KIF14: variants seen among roughly 807,000 people sequenced by gnomAD.
The protein encoded by KIF14 is kinesin family member 14, also known as kinesin-like protein KIF14.
In KIF14, 98 loss-of-function variants were observed where a neutral mutation model predicts 176.2. The ratio of observed to expected loss-of-function variants is 0.56; its 90% CI spans 0.47 to 0.66. The LOEUF (loss-of-function observed/expected upper bound fraction) is 0.66. KIF14 is among the 30% of genes least tolerant of loss of function. KIF14 has a pLI of 0.00. For missense variants in KIF14, 1,751 were observed against 1,920.4 expected, an observed-to-expected ratio of 0.91 and a Z score of 1.65; for synonymous variants, 566 against 632.2, an observed-to-expected ratio of 0.90 and a Z score of 1.57.
chr1:200,573,769 T>C (rs1657956411), intron 22 of KIF14, among the ~76,000 whole-genome samples: 1 of 152,192 alleles, frequency 6.6e-6, no homozygotes, highest in Non-Finnish European at 1.5e-5. Context: ...AGGAAAATCA[T>C]AAATGAGTTT....
intron 14 of KIF14, among the ~76,000 whole-genome samples, chr1:200,595,403 C>T (rs1204268169): frequency 6.6e-6 from 1 of 152,070 alleles, no homozygotes; most frequent in Non-Finnish European, 1.5e-5. Context: ...TGAAGACAGA[C>T]ATGAAATCAG....
At chr1:200,605,782 A>C in intron 7 of KIF14, 82 bp downstream of exon 7, 1 of 842,068 alleles carries the variant, frequency 1.2e-6, no homozygotes, top group South Asian at 1.9e-5. Context: ...TTTGTAAAAC[A>C]GCAATTAAGA....
chr1:200,582,861 G>GAA (rs555870188), intron 19 of KIF14, among the ~76,000 whole-genome samples: 20 of 126,142 alleles, frequency 1.6e-4, no homozygotes, highest in African/African-American at 5.3e-4. Context: ...CTCTGTCTCA[G>GAA]AAAAAAAAAA....
At chr1:200,563,617 C>T (rs1373105658) in intron 25 of KIF14, among the ~76,000 whole-genome samples, 1 of 152,102 alleles carries the variant, frequency 6.6e-6, no homozygotes, top group East Asian at 1.9e-4. Context: ...AGGCTGGTCT[C>T]AAAGTCCCAG....
In KIF14 at chr1:200,593,649, T is replaced by C; in HGVS notation, c.2652+18A>G. 1.4e-6 allele frequency: 2 copies of C among 1,409,508 alleles called. No homozygotes were observed. The highest frequency in any genetic ancestry group is 1.4e-5 in the African/African-American group (1 of 70,770). 87.3% of individuals were successfully genotyped at this position (1,409,508 alleles called of 1,614,324 possible). On this transcript the variant is annotated intron_variant, in intron 15 of 29. Transcript: ENST00000367350. ...CAAAGTCGAACAGTTTCTTATATTA[T>C]AGCACCCATCCACTTACATGACGTA...
intron 22 of KIF14, among the ~76,000 whole-genome samples, chr1:200,571,320 G>GAAAAAA (rs57110701): frequency 7.5e-6 from 1 of 133,522 alleles, no homozygotes. Context: ...ATCTCAAAAA[G>GAAAAAA]AAAAAAAAAA....
intron 14 of KIF14, among the ~76,000 whole-genome samples, chr1:200,594,368 C>CAAAAAAAAAAAAAAAA (rs371729211): frequency 2.2e-5 from 2 of 92,512 alleles, no homozygotes; most frequent in African/African-American, 4.5e-5. Context: ...CCCAAAAATT[C>CAAAAAAAAAAAAAAAA]AAAAAAAAAA....
At chr1:200,607,747 G>T (rs1445845505) in intron 5 of KIF14, among the ~76,000 whole-genome samples, 4 of 152,130 alleles carry the variant, frequency 2.6e-5, no homozygotes, top group Non-Finnish European at 5.9e-5. Flanking sequence ...CTGTCGCCAG[G>T]CTGGAGTGCG....
At chr1:200,609,319 G>A (rs1397751885) in intron 4 of KIF14, among the ~76,000 whole-genome samples, 1 of 152,110 alleles carries the variant, frequency 6.6e-6, no homozygotes, top group African/African-American at 2.4e-5. Flanking sequence ...TGCGGCCAAT[G>A]TGGAAAATAG....
intron 27 of KIF14, among the ~76,000 whole-genome samples, chr1:200,556,073 T>C (rs1397039260): frequency 1.3e-5 from 2 of 152,230 alleles, no homozygotes; most frequent in Non-Finnish European, 1.5e-5. Context: ...ATGCTGCCCA[T>C]TGTATACCTC....
At chr1:200,565,372 T>C in intron 24 of KIF14, 73 bp downstream of exon 24, 1 of 1,425,290 alleles carries the variant, frequency 7.0e-7, no homozygotes, top group Non-Finnish European at 9.5e-7. Flanking sequence ...TGCCAAATAA[T>C]CACTCAAAAC....
At chr1:200,561,795 A>T (rs1319926578) in intron 25 of KIF14, among the ~76,000 whole-genome samples, 1 of 152,160 alleles carries the variant, frequency 6.6e-6, no homozygotes, top group Non-Finnish European at 1.5e-5. Flanking sequence ...AATAAGTAAA[A>T]GCCAAAAGAA....
chr1:200,617,523 C>A, intron 2 of KIF14, 89 bp downstream of exon 2: 1 of 1,303,604 alleles, frequency 7.7e-7, no homozygotes, highest in South Asian at 1.5e-5. Context: ...TGAAGATGCA[C>A]GAATACACTG....
At chr1:200,596,560 T>TC (rs1163960721) in intron 14 of KIF14, among the ~76,000 whole-genome samples, 1 of 95,390 alleles carries the variant, frequency 1.0e-5, no homozygotes, top group Non-Finnish European at 2.0e-5. Flanking sequence ...TGTACAACAG[T>TC]CTTTTTTTTT....
At chr1:200,614,509 A>G (rs1053624147) in intron 3 of KIF14, 104 bp from the exon 4 acceptor site, 7 of 645,240 alleles carry the variant, frequency 1.1e-5, no homozygotes, top group Non-Finnish European at 1.9e-5. Flanking sequence ...AGTTCACTGA[A>G]TCTCATAATT....
intron 21 of KIF14, 27 bp downstream of exon 21, chr1:200,580,227 T>C: frequency 8.3e-7 from 1 of 1,209,956 alleles, no homozygotes; most frequent in South Asian, 2.4e-5. Context: ...TTAAAAAATT[T>C]ATAGAGATTT....
chr1:200,553,518 TG>T lies in KIF14; in HGVS notation c.4816del (p.Gln1606AsnfsTer30). On this transcript the variant is annotated frameshift_variant, in exon 30 of 30. Transcript: ENST00000367350. LOFTEE classifies it low-confidence loss of function (END_TRUNC). ...GTCAATCCCGCTTGATTTAGATTGT[TG>T]GTGTTCTTCTTTGGTATTTTGATTA... ...TYNQNTKEEH[Q>X]QSKSSGIDGS... 1 of 1,614,090 alleles carries T rather than the reference TG, an allele frequency of 6.2e-7. No homozygotes were observed. Among genetic ancestry groups the T allele is most frequent in the Non-Finnish European group, 8.5e-7 (1 of 1,180,032 alleles).
Position 200,600,874 on chromosome 1 carries a change from C to G in KIF14, c.2153-371G>C, listed in dbSNP as rs186761944. On this transcript the variant is annotated intron_variant, in intron 11 of 29. Coordinates refer to ENST00000367350, the MANE Select transcript of KIF14 (RefSeq NM_014875.3). ...AGAACAGCCAAGATCAAAGATTTTT[C>G]AAGCTGGAATTCAGAATATTTATTT... 5.9e-5 allele frequency among the ~76,000 whole-genome samples: 9 copies of G among 152,248 alleles called. No homozygotes were observed. In the East Asian group the frequency reaches 1.7e-3, roughly 29 times the overall value.
At position 200,554,521 on chromosome 1, in the gene KIF14, T is replaced by TGG. The variant is rs771402194; in HGVS notation, c.4513_4514insCC (p.Lys1505ThrfsTer3). On this transcript the variant is annotated frameshift_variant, in exon 29 of 30. Coordinates refer to ENST00000367350, the MANE Select transcript of KIF14 (RefSeq NM_014875.3). LOFTEE classifies it high-confidence loss of function. ...AGCTTTCTCTAAGCAATGTTTTAAC[T>TGG]TTAAGAATTCTGGAGCACGATTAAC... 21 of 1,553,202 alleles carry TGG rather than the reference T, an allele frequency of 1.4e-5. No individual in the cohort carries two copies. The Admixed American group carries it at 3.0e-4, about 22-fold the overall frequency.
Sources: gnomAD v4.1 joint callset for allele counts (sites outside exome capture counted in the v4.1 genomes callset) on GRCh38, gnomAD v4.1.1 for gene constraint, MANE v1.5 for transcripts, NCBI Gene and HGNC (gene_info 2026-07-23, HGNC 2026-07-21) for gene names.